The following RILPL1 variants were observed in gnomAD, a reference collection of about 807,000 sequenced individuals.
RILPL1 encodes Rab interacting lysosomal protein like 1.
Under a neutral mutation model 50.3 loss-of-function variants are expected in RILPL1, and 33 were observed. The ratio of observed to expected loss-of-function variants is 0.66; its 90% CI spans 0.50 to 0.88. The LOEUF is 0.88. Ranked by LOEUF, RILPL1 falls within the 40% of genes least tolerant of loss-of-function variation. The probability of loss-of-function intolerance (pLI) is 0.00; values close to 1 mark genes in which losing one functional copy is unlikely to be tolerated. For missense variants in RILPL1, 418 were observed against 542.5 expected, an observed-to-expected ratio of 0.77 and a Z score of 2.28; for synonymous variants, 205 against 228.6, an observed-to-expected ratio of 0.90 and a Z score of 0.93.
At chr12:123,525,430 T>C (rs1885216058) in intron 1 of RILPL1, among the ~76,000 whole-genome samples, 1 of 145,720 alleles carries the variant, frequency 6.9e-6, no homozygotes, top group South Asian at 2.2e-4. Flanking sequence ...CTGAGTGTGG[T>C]GGATCATGCC....
intron 1 of RILPL1, among the ~76,000 whole-genome samples, chr12:123,530,704 CT>C (rs1885414919): frequency 6.6e-6 from 1 of 152,220 alleles, no homozygotes; most frequent in East Asian, 1.9e-4. Flanking sequence ...CCAGCCATTG[CT>C]TTCTAGAATT....
intron 1 of RILPL1, among the ~76,000 whole-genome samples, chr12:123,526,567 T>C (rs767857295): frequency 6.6e-6 from 1 of 152,170 alleles, no homozygotes; most frequent in Non-Finnish European, 1.5e-5. Flanking sequence ...ACTAACAATG[T>C]GTGTGCTGAT....
At chr12:123,503,626 C>G (rs1426674055) in intron 2 of RILPL1, among the ~76,000 whole-genome samples, 1 of 152,036 alleles carries the variant, frequency 6.6e-6, no homozygotes, top group Non-Finnish European at 1.5e-5. Flanking sequence ...CTGTCAGTGC[C>G]AAATCTCTCC....
intron 2 of RILPL1, among the ~76,000 whole-genome samples, chr12:123,511,942 GTGTGTGTGTGTGGTGTGAGATC>G (rs1353736356): frequency 7.8e-6 from 1 of 128,778 alleles, no homozygotes; most frequent in Non-Finnish European, 1.6e-5. Context: ...TGTGAGGTTT[GTGTGTGTGTGTGGTGTGAGATC>G]TGTGTGTGTG....
In RILPL1 at chr12:123,485,671, C is replaced by T; in HGVS notation, c.936G>A (p.Lys312=). The T allele has an allele frequency of 2.5e-6, 4 of 1,613,852 alleles. No homozygotes were observed. The highest frequency in any genetic ancestry group is 2.5e-6 in the Non-Finnish European group (3 of 1,179,798). The change falls in exon 5 of 7, where the codon AAG becomes AAA. Residue 312 remains lysine (K), a synonymous_variant. Transcript: ENST00000376874. This position sits in a 1 kb window ranked among gnomAD's most constrained non-coding sequence, Gnocchi z 4.0. ...VLHERNELKS[K]VFLLQEELAY... ...CCAGCTCCTCCTGCAGCAAGAACAC[C>T]TTGGACTTGAGCTCGTTCCTCTCGT...
At chr12:123,523,787 C>G in intron 1 of RILPL1, 142 bp from the exon 2 acceptor site, 1 of 889,374 alleles carries the variant, frequency 1.1e-6, no homozygotes, top group South Asian at 1.6e-5. Context: ...AAGGCCACCA[C>G]GAGTCCCATA....
At chr12:123,511,668 CTGTGTGTGTGGTGTGTGGTG>C (rs1188899987) in intron 2 of RILPL1, among the ~76,000 whole-genome samples, 1 of 83,658 alleles carries the variant, frequency 1.2e-5, no homozygotes, top group Non-Finnish European at 2.3e-5. Flanking sequence ...TGTGTGAGGT[CTGTGTGTGTGGTGTGTGGTG>C]TGTGTGTGTG....
chr12:123,506,304 G>C (rs1362643830), intron 2 of RILPL1, among the ~76,000 whole-genome samples: 1 of 152,210 alleles, frequency 6.6e-6, no homozygotes, highest in Admixed American at 6.5e-5. Context: ...GAGGCCATGG[G>C]GGTGATGCAC....
intron 3 of RILPL1, 138 bp downstream of exon 3, chr12:123,499,280 C>T: frequency 4.7e-6 from 3 of 634,922 alleles, no homozygotes; most frequent in East Asian, 5.6e-5. Context: ...CCCGCCAAGC[C>T]ATGAGCAGGA....
Position 123,522,785 on chromosome 12 carries a change from C to T in RILPL1, c.460+710G>A, listed in dbSNP as rs368398597. Among the ~76,000 whole-genome samples the T allele has an allele frequency of 7.2e-5, 11 of 152,092 alleles. No individual in the cohort carries two copies. The highest frequency in any genetic ancestry group is 1.4e-4 in the African/African-American group (6 of 41,482). On this transcript the variant is annotated intron_variant, in intron 2 of 6. Transcript: ENST00000376874. This position sits in a 1 kb window ranked among gnomAD's most constrained non-coding sequence, Gnocchi z 4.0. Reference sequence around the variant, plus strand: ...TTTTTAAAAAAATCGTTAGTAGAGACGGGGTCTATGTTGCCCAGGCTGGTC... The same window carrying T: ...TTTTTAAAAAAATCGTTAGTAGAGATGGGGTCTATGTTGCCCAGGCTGGTC...
chr12:123,490,647 AG>A (rs763999211), intron 4 of RILPL1, among the ~76,000 whole-genome samples: 4 of 151,824 alleles, frequency 2.6e-5, no homozygotes, highest in Non-Finnish European at 5.9e-5. Context: ...TTTGTTGCCC[AG>A]GCTGGTTTCG....
intron 6 of RILPL1, chr12:123,472,980 G>A: frequency 3.5e-6 from 1 of 286,424 alleles, no homozygotes; most frequent in East Asian, 6.6e-5. Context: ...CCCGTTACCA[G>A]TGGAAATCAA....
At chr12:123,496,934 G>A (rs898338117) in intron 4 of RILPL1, among the ~76,000 whole-genome samples, 1 of 152,152 alleles carries the variant, frequency 6.6e-6, no homozygotes, top group Non-Finnish European at 1.5e-5. Flanking sequence ...CATGCCCATC[G>A]GCAGTCACTC....
rs200073804 is a variant in RILPL1, at chr12:123,485,735, C to T, written c.872G>A (p.Arg291His). ...KVAMDLKDPN[R>H]PRFTLQELRD... Reference sequence around the variant, plus strand: ...CAGCTCCTGCAGGGTGAACCGGGGGCGGTTGGGGTCCTTGAGATCCATGGC... The same window carrying T: ...CAGCTCCTGCAGGGTGAACCGGGGGTGGTTGGGGTCCTTGAGATCCATGGC... The change falls in exon 5 of 7, where the codon CGC becomes CAC. Residue 291 changes from arginine to histidine, a missense_variant. Transcript: ENST00000376874. This position sits in a 1 kb window ranked among gnomAD's most constrained non-coding sequence, Gnocchi z 4.0. 1,159 of 1,613,024 alleles carry T rather than the reference C, an allele frequency of 7.2e-4. 5 individuals are homozygous for T. The African/African-American group carries it at 0.013, about 17-fold the overall frequency.
At chr12:123,487,220 C>T (rs1882401291) in intron 4 of RILPL1, among the ~76,000 whole-genome samples, 1 of 152,164 alleles carries the variant, frequency 6.6e-6, no homozygotes, top group Admixed American at 6.5e-5. Flanking sequence ...CAGAATCATA[C>T]ATTAAGTGGC....
intron 2 of RILPL1, among the ~76,000 whole-genome samples, chr12:123,500,567 G>A (rs1281700445): frequency 6.6e-6 from 1 of 152,096 alleles, no homozygotes; most frequent in Admixed American, 6.5e-5. Flanking sequence ...TTACAGGCGT[G>A]AGCCACCGCA....
intron 4 of RILPL1, among the ~76,000 whole-genome samples, chr12:123,494,429 T>C (rs1882903232): frequency 6.6e-6 from 1 of 152,204 alleles, no homozygotes; most frequent in Non-Finnish European, 1.5e-5. Context: ...CTCTCTTCCC[T>C]GCCCCATTGG....
intron 2 of RILPL1, among the ~76,000 whole-genome samples, chr12:123,516,026 T>A: frequency 1.3e-5 from 1 of 76,090 alleles, no homozygotes; most frequent in Admixed American, 1.4e-4. Context: ...AGAGCGAGAC[T>A]CTGTCTCAAA....
rs117324816 is a variant in RILPL1 at position 123,482,988 on chromosome 12, A to T, written c.1067+1192T>A. On this transcript the variant is annotated intron_variant, in intron 6 of 6. Transcript: ENST00000376874. ...ATTGTCTACTCACAGGGCAAGAACT[A>T]ACCAAGAATTTCCAAACATAACTGG... Among the ~76,000 whole-genome samples the T allele has an allele frequency of 8.9e-3, 1,360 of 152,302 alleles. 19 individuals are homozygous for T. The highest frequency in any genetic ancestry group is 0.014 in the Non-Finnish European group (921 of 68,020).
Sources: gnomAD v4.1 joint callset for allele counts (sites outside exome capture counted in the v4.1 genomes callset) on GRCh38, gnomAD v4.1.1 for gene constraint, Gnocchi (gnomAD v3.1) non-coding constraint, MANE v1.5 for transcripts, NCBI Gene and HGNC (gene_info 2026-07-23, HGNC 2026-07-21) for gene names.